Variants in ASAP1 observed in about 807,000 individuals in gnomAD.
ASAP1 encodes the protein ArfGAP with SH3 domain, ankyrin repeat and PH domain 1.
Under a neutral mutation model 145.2 loss-of-function variants are expected in ASAP1, and 43 were observed. That is an observed-to-expected ratio of 0.30 (90% CI 0.23 to 0.38). The LOEUF is 0.38. Ranked by LOEUF, ASAP1 falls within the 10% of genes least tolerant of loss-of-function variation. The pLI is 1.00. For synonymous variants in ASAP1, 546 were observed against 515.5 expected, an observed-to-expected ratio of 1.06 and a Z score of -0.80; for missense variants, 1,018 against 1,355.3, an observed-to-expected ratio of 0.75 and a Z score of 3.91.
chr8:130,214,093 T>A (rs554383390), intron 5 of ASAP1, among the ~76,000 whole-genome samples: 1 of 152,348 alleles, frequency 6.6e-6, no homozygotes, highest in South Asian at 2.1e-4. Context: ...ATTATTTATA[T>A]ATCAGAAACC....
intron 3 of ASAP1, among the ~76,000 whole-genome samples, chr8:130,317,961 A>C (rs1287582891): frequency 6.6e-6 from 1 of 152,238 alleles, no homozygotes; most frequent in African/African-American, 2.4e-5. Flanking sequence ...CACTTTTACC[A>C]AAATAGCTAA....
intron 3 of ASAP1, among the ~76,000 whole-genome samples, chr8:130,256,237 A>G (rs749881625): frequency 2.8e-4 from 43 of 152,262 alleles, no homozygotes; most frequent in Non-Finnish European, 3.1e-4. Flanking sequence ...TTTTTCCTTG[A>G]AGATGCACAC....
intron 3 of ASAP1, among the ~76,000 whole-genome samples, chr8:130,287,794 C>G (rs564085693): frequency 6.6e-6 from 1 of 152,164 alleles, no homozygotes; most frequent in Non-Finnish European, 1.5e-5. Context: ...AGGGAACGCT[C>G]AGAGGGCTGT....
intron 3 of ASAP1, among the ~76,000 whole-genome samples, chr8:130,278,296 T>G (rs1250167852): frequency 6.6e-6 from 1 of 152,120 alleles, no homozygotes; most frequent in Non-Finnish European, 1.5e-5. Context: ...CACAGAAAGC[T>G]GTAGTCACAT....
chr8:130,369,325 T>C (rs1827107071), intron 2 of ASAP1, among the ~76,000 whole-genome samples: 1 of 152,216 alleles, frequency 6.6e-6, no homozygotes, highest in Non-Finnish European at 1.5e-5. Flanking sequence ...TCTTATACTA[T>C]ATTTTTAATG....
intron 3 of ASAP1, among the ~76,000 whole-genome samples, chr8:130,303,843 G>A (rs1822823311): frequency 6.6e-6 from 1 of 152,174 alleles, no homozygotes; most frequent in African/African-American, 2.4e-5. Flanking sequence ...TACAGTAACA[G>A]AGGATACATA....
At chr8:130,355,048 G>C (rs1223854713) in intron 3 of ASAP1, among the ~76,000 whole-genome samples, 3 of 152,136 alleles carry the variant, frequency 2.0e-5, no homozygotes, top group African/African-American at 7.2e-5. Context: ...ATCATGCCTG[G>C]CTAATTTTTT....
intron 18 of ASAP1, among the ~76,000 whole-genome samples, chr8:130,120,311 A>C (rs770250658): frequency 6.6e-6 from 1 of 152,212 alleles, no homozygotes; most frequent in Non-Finnish European, 1.5e-5. Context: ...TACTGTGTTG[A>C]TGGATGGAGC....
At position 130,130,938 on chromosome 8, in the gene ASAP1, C is replaced by T. The variant is rs944567040; in HGVS notation, c.1218-2848G>A. Among the ~76,000 whole-genome samples the T allele has an allele frequency of 5.9e-5, 9 of 152,038 alleles. No individual in the cohort carries two copies. The East Asian group carries it at 7.7e-4, about 13-fold the overall frequency. On this transcript the variant is annotated intron_variant, in intron 15 of 29. Coordinates refer to ENST00000518721, the MANE Select transcript of ASAP1 (RefSeq NM_018482.4). ...TTGGGAGGCCAAGGCGGGCAAATCA[C>T]GAGGTCAGGAGATCGAGACCATCCT...
chr8:130,095,258 A>G (rs1222192435), intron 24 of ASAP1, among the ~76,000 whole-genome samples: 2 of 151,362 alleles, frequency 1.3e-5, no homozygotes, highest in African/African-American at 4.9e-5. Context: ...AATAAATAGA[A>G]GACTCAACCA....
intron 27 of ASAP1, among the ~76,000 whole-genome samples, chr8:130,065,394 G>T (rs745821354): frequency 1.3e-5 from 2 of 152,158 alleles, no homozygotes; most frequent in Non-Finnish European, 2.9e-5. Context: ...GTCCTCTAGG[G>T]TTTTTAATGG....
chr8:130,286,835 T>C (rs145769731), intron 3 of ASAP1, among the ~76,000 whole-genome samples: 4 of 152,268 alleles, frequency 2.6e-5, no homozygotes, highest in African/African-American at 9.6e-5. Context: ...CATTATGAAA[T>C]GATGAGAAGC....
chr8:130,352,238 C>T lies in ASAP1; in HGVS notation c.186+5779G>A, dbSNP rs189736253. On this transcript the variant is annotated intron_variant, in intron 3 of 29. Transcript: ENST00000518721. Reference sequence around the variant, plus strand: ...TTTTTTTTTTTTTTTTTTAAGACTACAATCTCCTTGGGGGTAATTAATGGG... The same window carrying T: ...TTTTTTTTTTTTTTTTTTAAGACTATAATCTCCTTGGGGGTAATTAATGGG... Among the ~76,000 whole-genome samples the T allele has an allele frequency of 5.3e-3, 728 of 136,650 alleles. 3 individuals carry two copies. The highest frequency in any genetic ancestry group is 0.013 in the South Asian group (55 of 4,228). The allele number at this position is 136,650 out of a possible 152,430, so 89.6% of individuals were successfully genotyped here.
At chr8:130,370,951 A>T (rs796605845) in intron 2 of ASAP1, among the ~76,000 whole-genome samples, 13 of 152,312 alleles carry the variant, frequency 8.5e-5, no homozygotes, top group African/African-American at 3.1e-4. Flanking sequence ...GAGTGACAAA[A>T]ATGTTCTGGA....
At chr8:130,336,628 G>A (rs1464350487) in intron 3 of ASAP1, among the ~76,000 whole-genome samples, 1 of 152,230 alleles carries the variant, frequency 6.6e-6, no homozygotes, top group Non-Finnish European at 1.5e-5. Context: ...ATCATGTGAT[G>A]CATCAAAGAG....
At chr8:130,152,520 T>A in intron 13 of ASAP1, 1 of 379,778 alleles carries the variant, frequency 2.6e-6, no homozygotes, top group Non-Finnish European at 4.7e-6. Flanking sequence ...GTATTCATTT[T>A]GAGAGAGCAA....
At chr8:130,391,036 T>C (rs1828261087) in intron 2 of ASAP1, among the ~76,000 whole-genome samples, 1 of 151,204 alleles carries the variant, frequency 6.6e-6, no homozygotes, top group African/African-American at 2.4e-5. Flanking sequence ...CAAACACGTA[T>C]TCATCCACGG....
intron 3 of ASAP1, among the ~76,000 whole-genome samples, chr8:130,335,879 T>C (rs1294775364): frequency 1.3e-5 from 2 of 152,222 alleles, no homozygotes; most frequent in Admixed American, 6.5e-5. Flanking sequence ...ATTTCTCTTA[T>C]AGTACTTCTG....
chr8:130,383,471 T>C (rs1827874385), intron 2 of ASAP1, among the ~76,000 whole-genome samples: 4 of 152,190 alleles, frequency 2.6e-5, no homozygotes, highest in South Asian at 2.1e-4. Context: ...GGATCGACTA[T>C]GAACCAGGCA....
Sources: allele counts gnomAD v4.1 joint callset (sites outside exome capture counted in the v4.1 genomes callset), GRCh38; gene constraint gnomAD v4.1.1; transcripts MANE v1.5; gene names NCBI Gene and HGNC (gene_info 2026-07-23, HGNC 2026-07-21).